The following DMD variants were observed in gnomAD, a reference collection of about 807,000 sequenced individuals.
DMD encodes mutant dystrophin.
Under a neutral mutation model 330.1 loss-of-function variants are expected in DMD, and 63 were observed. The ratio of observed to expected loss-of-function variants is 0.19; its 90% confidence interval spans 0.16 to 0.24. The LOEUF (loss-of-function observed/expected upper bound fraction) is 0.24. Ranked by LOEUF, DMD falls within the 10% of genes least tolerant of loss-of-function variation. The probability of loss-of-function intolerance (pLI) is 1.00; values close to 1 mark genes in which losing one functional copy is unlikely to be tolerated. For synonymous variants in DMD, 1,223 were observed against 959.8 expected (o/e 1.27, Z -5.07); for missense variants, 3,344 against 2,684.1 (o/e 1.25, Z -5.43).
At chrX:32,116,377 G>A (rs1288574390) in intron 44 of DMD, among the ~76,000 whole-genome samples, 6 of 112,116 alleles carry the variant, frequency 5.4e-5, no homozygotes, top group Non-Finnish European at 1.1e-4. Flanking sequence ...ATATGTGTAT[G>A]CATATAATAA....
At chrX:32,594,640 G>T (rs1465668819) in intron 13 of DMD, among the ~76,000 whole-genome samples, 1 of 111,090 alleles carries the variant, frequency 9.0e-6, no homozygotes, top group Non-Finnish European at 1.9e-5. Flanking sequence ...TATACCCAGG[G>T]TATTTGTGTT....
intron 49 of DMD, among the ~76,000 whole-genome samples, chrX:31,830,286 A>G (rs1176044723): frequency 1.8e-5 from 2 of 112,915 alleles, no homozygotes; most frequent in African/African-American, 6.4e-5. Context: ...ATGTTAGTCT[A>G]TTGGGAATTT....
At chrX:32,681,270 C>T (rs1043065819) in intron 9 of DMD, among the ~76,000 whole-genome samples, 2 of 111,235 alleles carry the variant, frequency 1.8e-5, no homozygotes, top group African/African-American at 6.5e-5. Flanking sequence ...GTCGATGGAC[C>T]ATTGTAGGAT....
At chrX:33,226,331 A>G (rs1308005254) in intron 1 of DMD, among the ~76,000 whole-genome samples, 1 of 111,788 alleles carries the variant, frequency 8.9e-6, no homozygotes, top group Non-Finnish European at 1.9e-5. Flanking sequence ...GTCCTTCAAC[A>G]GGCAAATGGT....
intron 7 of DMD, among the ~76,000 whole-genome samples, chrX:32,783,084 T>TATACATATATGGTGTATATATACACACAC (rs1433167786): frequency 3.1e-5 from 3 of 98,335 alleles, no homozygotes; most frequent in South Asian, 8.4e-4. Flanking sequence ...TACACACACA[T>TATACATATATGGTGTATATATACACACAC]ATACATATAT....
At chrX:32,649,110 C>A (rs1168417884) in intron 9 of DMD, among the ~76,000 whole-genome samples, 2 of 108,733 alleles carry the variant, frequency 1.8e-5, no homozygotes, top group Non-Finnish European at 3.8e-5. Context: ...TGAAACGATT[C>A]TGTTTTTGTT....
rs150068287 is a variant in DMD, at chrX:32,844,843, G to C, written c.204C>G (p.Ser68=). Residue 68 remains serine, a synonymous_variant, in exon 4 of 79, where the codon TCC becomes TCG. Coordinates refer to ENST00000357033, the MANE Select transcript of DMD (RefSeq NM_004006.3). ...TGQKLPKEKG[S]TRVHALNNVN... is the part of the protein sequence containing the mutation. ...CATTGTTCAGGGCATGAACTCTTGT[G>C]GATCCTTTTTCTTTTGGCTGAGAAC... 4 of 1,209,260 alleles carry C rather than the reference G, an allele frequency of 3.3e-6. No homozygotes were observed. In the African/African-American group the frequency reaches 5.2e-5, roughly 16 times the overall value.
At chrX:31,270,476 T>C (rs2051543119) in intron 62 of DMD, among the ~76,000 whole-genome samples, 1 of 112,166 alleles carries the variant, frequency 8.9e-6, no homozygotes, top group South Asian at 3.7e-4. Flanking sequence ...AAAGAGCTTC[T>C]GGCCTTTTGA....
intron 44 of DMD, among the ~76,000 whole-genome samples, chrX:32,007,264 A>G (rs924591212): frequency 1.8e-5 from 2 of 108,173 alleles, no homozygotes; most frequent in African/African-American, 6.7e-5. Context: ...AAAAGAGTGG[A>G]CACAGAAAGA....
chrX:32,289,186 C>A (rs1309592454), intron 42 of DMD, among the ~76,000 whole-genome samples: 1 of 111,179 alleles, frequency 9.0e-6, no homozygotes, highest in Admixed American at 9.6e-5. Flanking sequence ...ACTAATCTTC[C>A]AGATATCACC....
intron 53 of DMD, among the ~76,000 whole-genome samples, chrX:31,665,238 A>G (rs1366237373): frequency 3.6e-5 from 4 of 112,165 alleles, no homozygotes; most frequent in Non-Finnish European, 7.5e-5. Flanking sequence ...AACAATCTTG[A>G]TGATTATAGC....
intron 1 of DMD, among the ~76,000 whole-genome samples, chrX:33,120,929 A>AG (rs1274876093): frequency 9.6e-6 from 1 of 103,846 alleles, no homozygotes; most frequent in Non-Finnish European, 2.0e-5. Flanking sequence ...GGTTATTATT[A>AG]GGGGCTATAT....
At chrX:31,442,017 A>T (rs958723882) in intron 60 of DMD, among the ~76,000 whole-genome samples, 5 of 112,339 alleles carry the variant, frequency 4.5e-5, no homozygotes, top group Admixed American at 9.5e-5. Context: ...AATATAGAGC[A>T]GACACCACAA....
intron 7 of DMD, among the ~76,000 whole-genome samples, chrX:32,716,072 G>A (rs771833053): frequency 1.8e-4 from 20 of 111,021 alleles, no homozygotes; most frequent in South Asian, 3.8e-4. Flanking sequence ...ACTTTCTCTC[G>A]TCATATAATA....
Position 31,832,647 on chromosome X carries a change from T to C in DMD, c.7200+4071A>G, listed in dbSNP as rs1206672097. Among the ~76,000 whole-genome samples, 12 of 112,203 alleles carry C rather than the reference T, an allele frequency of 1.1e-4. 1 individual carries two copies. Among genetic ancestry groups the C allele is most frequent in the Non-Finnish European group, 1.9e-5 (1 of 53,272 alleles). On this transcript the variant is annotated intron_variant, in intron 49 of 78. Transcript: ENST00000357033. ...CACCTTTTTCTGTTACATTGAAAAA[T>C]AATTCAAGAGCAGTAAGTAAAACAT...
intron 54 of DMD, among the ~76,000 whole-genome samples, chrX:31,650,831 A>G (rs1668201978): frequency 8.9e-6 from 1 of 112,132 alleles, no homozygotes; most frequent in South Asian, 3.7e-4. Context: ...GTAAAAAAAA[A>G]GCACTGGAAT....
At chrX:31,733,986 C>T (rs1391280548) in intron 51 of DMD, among the ~76,000 whole-genome samples, 1 of 111,156 alleles carries the variant, frequency 9.0e-6, no homozygotes, top group Non-Finnish European at 1.9e-5. Context: ...AAATATCTTC[C>T]AACTGCAGTT....
chrX:31,572,199 A>G (rs1396019822), intron 55 of DMD, among the ~76,000 whole-genome samples: 1 of 112,600 alleles, frequency 8.9e-6, no homozygotes. Context: ...GATTTCACAT[A>G]TAACAAATGT....
intron 4 of DMD, among the ~76,000 whole-genome samples, chrX:32,828,708 C>A (rs1345891284): frequency 9.1e-6 from 1 of 110,128 alleles, no homozygotes; most frequent in African/African-American, 3.3e-5. Flanking sequence ...GTAGGTGTTT[C>A]CACCTGCCTT....
Sources: gnomAD v4.1 joint callset for allele counts (sites outside exome capture counted in the v4.1 genomes callset) on GRCh38, gnomAD v4.1.1 for gene constraint, MANE v1.5 for transcripts, NCBI Gene and HGNC (gene_info 2026-07-23, HGNC 2026-07-21) for gene names.